The following SP2 variants were observed in gnomAD, a reference collection of about 807,000 sequenced individuals.
The protein encoded by SP2 is Sp2 transcription factor, also known as transcription factor Sp2.
Under a neutral mutation model 50.1 loss-of-function variants are expected in SP2, and 9 were observed. The observed-to-expected ratio is 0.18, with a 90% CI of 0.11 to 0.31. The LOEUF (loss-of-function observed/expected upper bound fraction) is 0.31, where lower values mean the gene tolerates loss of function less well. Ranked by LOEUF, SP2 falls within the 10% of genes least tolerant of loss-of-function variation. SP2 has a pLI of 1.00. For synonymous variants in SP2, 313 were observed against 326.6 expected, an observed-to-expected ratio of 0.96 and a Z score of 0.45; for missense variants, 581 against 806.5, an observed-to-expected ratio of 0.72 and a Z score of 3.39.
intron 5 of SP2, 50 bp downstream of exon 5, chr17:47,925,143 G>A (rs1274431630): frequency 6.5e-7 from 1 of 1,549,980 alleles, no homozygotes; most frequent in Non-Finnish European, 8.7e-7. Flanking sequence ...TGTTCCCCAA[G>A]CCCCTCCTGG....
chr17:47,910,177 A>C (rs914741708), intron 1 of SP2, among the ~76,000 whole-genome samples: 2 of 152,236 alleles, frequency 1.3e-5, no homozygotes, highest in Admixed American at 6.5e-5. Context: ...GATCTTTGCC[A>C]AACTTGGGTG....
Position 47,917,992 on chromosome 17 carries a change from G to A in SP2, c.1059+862G>A, listed in dbSNP as rs2035282789. 2.0e-5 allele frequency: 4 copies of A among 196,272 alleles called. No individual in the cohort carries two copies. In the South Asian group the frequency reaches 2.3e-4, roughly 11 times the overall value. 12.2% of individuals were successfully genotyped at this position (196,272 alleles called of 1,614,324 possible). A position where few individuals can be genotyped will look rare whatever the true frequency, so the allele number is the denominator to read the frequency against. On this transcript the variant is annotated intron_variant, in intron 3 of 6. Transcript: ENST00000376741. ...TTTATGAAGTATCCAAGATCAAATAGGGCATAAATGACAGGAACCAGGAGT... is the reference window on the plus strand; with the variant it reads ...TTTATGAAGTATCCAAGATCAAATAAGGCATAAATGACAGGAACCAGGAGT...
intron 1 of SP2, among the ~76,000 whole-genome samples, chr17:47,903,386 C>T (rs1439172121): frequency 2.0e-5 from 3 of 152,190 alleles, no homozygotes; most frequent in Non-Finnish European, 2.9e-5. Flanking sequence ...GAAGAAGAGG[C>T]CAGGCGCGGT....
chr17:47,904,588 C>T (rs1305675297), intron 1 of SP2, among the ~76,000 whole-genome samples: 1 of 151,964 alleles, frequency 6.6e-6, no homozygotes, highest in Non-Finnish European at 1.5e-5. Context: ...ATGGGAGGCT[C>T]AGTAAAGGGT....
intron 3 of SP2, 124 bp downstream of exon 3, chr17:47,917,254 G>T: frequency 9.7e-7 from 1 of 1,033,680 alleles, no homozygotes; most frequent in Non-Finnish European, 1.4e-6. Context: ...CTTTTGGGGT[G>T]GGCAGTAAGT....
intron 6 of SP2, among the ~76,000 whole-genome samples, chr17:47,926,888 A>G (rs2035671587): frequency 6.6e-6 from 1 of 152,252 alleles, no homozygotes; most frequent in Admixed American, 6.5e-5. Context: ...TCCTGGGGCT[A>G]GAGGGCTGAG....
In SP2 at chr17:47,923,085, A is replaced by G; in HGVS notation, c.1183A>G (p.Ser395Gly). The G allele has an allele frequency of 1.2e-6, 2 of 1,614,194 alleles. No individual in the cohort carries two copies. The highest frequency in any genetic ancestry group is 3.3e-5 in the Admixed American group (2 of 60,028). The change falls in exon 4 of 7, where the codon AGT (serine) becomes GGT (glycine). Residue 395 changes from serine (S) to glycine (G), a missense_variant. Physicochemically the swap from Ser to Gly is moderately conservative, Grantham distance 56. Transcript: ENST00000376741. Reference protein sequence around the residue: ...SSPASRAPHLSGTSKKHSAAI... With the variant: ...SSPASRAPHLGGTSKKHSAAI... ...CCCTGCATCCCGTGCTCCCCATCTG[A>G]GTGGGACCAGCAAAAAGCACTCAGC...
chr17:47,923,778 C>CT (rs1895973726), intron 4 of SP2, among the ~76,000 whole-genome samples: 1 of 152,184 alleles, frequency 6.6e-6, no homozygotes, highest in African/African-American at 2.4e-5. Context: ...GAGCCTCACT[C>CT]TGTCGCCCAG....
At chr17:47,897,543 T>G (rs1201513455) in intron 1 of SP2, 1 of 152,254 alleles carries the variant, frequency 6.6e-6, no homozygotes, top group East Asian at 1.9e-4. Context: ...CAAGGTGCAC[T>G]GGCATGCACT....
chr17:47,908,368 G>A (rs2034846845), intron 1 of SP2, among the ~76,000 whole-genome samples: 1 of 152,152 alleles, frequency 6.6e-6, no homozygotes, highest in Admixed American at 6.5e-5. Flanking sequence ...ATGTCTAAGA[G>A]AGTCATTCAC....
intron 3 of SP2, among the ~76,000 whole-genome samples, chr17:47,920,291 T>A (rs547622838): frequency 1.0e-3 from 136 of 133,700 alleles, no homozygotes; most frequent in African/African-American, 4.0e-3. Context: ...AATTTTTGAA[T>A]TTTTTTTTTT....
chr17:47,925,520 C>A lies in SP2; in HGVS notation c.1720C>A (p.Arg574=), dbSNP rs749173053. 38 of 1,613,868 alleles carry A rather than the reference C, an allele frequency of 2.4e-5. No homozygotes were observed. Among genetic ancestry groups the A allele is most frequent in the Non-Finnish European group, 3.1e-5 (36 of 1,179,972 alleles). ...KRFTRSDELQ[R]HARTHTGDKR... Reference sequence around the variant, plus strand: ...GTTCACACGGAGTGACGAGCTCCAACGGCATGCTCGCACCCACACAGGTCA... The same window carrying A: ...GTTCACACGGAGTGACGAGCTCCAAAGGCATGCTCGCACCCACACAGGTCA... Residue 574 remains arginine, a synonymous_variant, in exon 6 of 7, where the codon CGG becomes AGG. Coordinates refer to ENST00000376741, the MANE Select transcript of SP2 (RefSeq NM_003110.6).
rs1360444349 is a variant in SP2 at position 47,925,701 on chromosome 17, A to C, written c.1741+160A>C. Among the ~76,000 whole-genome samples, 4 of 152,214 alleles carry C rather than the reference A, an allele frequency of 2.6e-5. No individual in the cohort carries two copies. In the East Asian group the frequency reaches 7.7e-4, roughly 29 times the overall value. ...AGGGACGACATAGGAAATTATTTTC[A>C]AGCCATTCTGTTATCACTGTTGTTT... On this transcript the variant is annotated intron_variant, in intron 6 of 6. Coordinates refer to ENST00000376741, the MANE Select transcript of SP2 (RefSeq NM_003110.6).
chr17:47,926,320 T>G (rs903606057), intron 6 of SP2, among the ~76,000 whole-genome samples: 49 of 150,884 alleles, frequency 3.2e-4, no homozygotes, highest in Admixed American at 1.8e-3. Flanking sequence ...TTTTTGTTTT[T>G]TTTTTTTTTT....
At chr17:47,902,412 G>C (rs2143788170) in intron 1 of SP2, among the ~76,000 whole-genome samples, 1 of 152,178 alleles carries the variant, frequency 6.6e-6, no homozygotes, top group East Asian at 1.9e-4. Context: ...TTTCATTTAA[G>C]TGTGATGGGT....
chr17:47,923,990 G>A (rs546718863), intron 4 of SP2, among the ~76,000 whole-genome samples: 4 of 152,048 alleles, frequency 2.6e-5, no homozygotes, highest in South Asian at 2.1e-4. Context: ...GTGAGCCACC[G>A]TGCCCAGCCC....
intron 1 of SP2, among the ~76,000 whole-genome samples, chr17:47,909,408 A>T (rs536286164): frequency 8.9e-4 from 136 of 152,224 alleles, no homozygotes; most frequent in African/African-American, 3.2e-3. Context: ...TTTTTAACCT[A>T]AGTGGAGGAC....
chr17:47,910,090 C>T (rs774240831), intron 1 of SP2, among the ~76,000 whole-genome samples: 34 of 151,992 alleles, frequency 2.2e-4, no homozygotes, highest in Non-Finnish European at 4.0e-4. Flanking sequence ...ACACCTGCCT[C>T]AACCTCCCAA....
intron 1 of SP2, among the ~76,000 whole-genome samples, chr17:47,896,536 C>T (rs917663355): frequency 1.8e-4 from 28 of 151,994 alleles, no homozygotes; most frequent in Non-Finnish European, 1.5e-5. Flanking sequence ...CGGAGCCCGC[C>T]GGGCGGGAGG....
Sources: gnomAD v4.1 joint callset for allele counts (sites outside exome capture counted in the v4.1 genomes callset) on GRCh38, gnomAD v4.1.1 for gene constraint, MANE v1.5 for transcripts, NCBI Gene and HGNC (gene_info 2026-07-23, HGNC 2026-07-21) for gene names.